Variants in SBF2 observed in about 807,000 individuals in gnomAD.
SBF2 encodes the protein SET binding factor 2.
A neutral mutation model predicts 225.2 loss-of-function variants in SBF2; 112 were observed. The ratio of observed to expected loss-of-function variants is 0.50; its 90% CI spans 0.43 to 0.58. The LOEUF (loss-of-function observed/expected upper bound fraction) is 0.58. Ranked by LOEUF, SBF2 falls within the 20% of genes least tolerant of loss-of-function variation. SBF2 has a pLI of 0.00. For missense variants in SBF2, 1,996 were observed against 2,206.2 expected (o/e 0.90, Z 1.91); for synonymous variants, 763 against 773.3 (o/e 0.99, Z 0.22).
chr11:9,824,167 A>G (rs1854931640), intron 28 of SBF2, among the ~76,000 whole-genome samples: 1 of 152,238 alleles, frequency 6.6e-6, no homozygotes, highest in African/African-American at 2.4e-5. Flanking sequence ...TTAGCAAAGA[A>G]TGGAGTCATA....
intron 2 of SBF2, among the ~76,000 whole-genome samples, chr11:10,180,970 T>G (rs1302290600): frequency 6.6e-6 from 1 of 152,110 alleles, no homozygotes; most frequent in Admixed American, 6.5e-5. Context: ...TTAGAGGTTT[T>G]TCTGGTAAAT....
chr11:10,246,071 T>C (rs11042689), intron 1 of SBF2, among the ~76,000 whole-genome samples: 41,377 of 152,084 alleles, frequency 0.27, 6,396 homozygotes, highest in Non-Finnish European at 0.35. Flanking sequence ...ATACTGCCTA[T>C]AGTTAACATT....
intron 2 of SBF2, among the ~76,000 whole-genome samples, chr11:10,069,787 G>A (rs984256635): frequency 1.3e-5 from 2 of 152,194 alleles, no homozygotes; most frequent in Non-Finnish European, 2.9e-5. Context: ...CAGTGTAAAA[G>A]CATTCCTATT....
At chr11:10,178,233 A>G (rs1956558191) in intron 2 of SBF2, among the ~76,000 whole-genome samples, 1 of 150,370 alleles carries the variant, frequency 6.7e-6, no homozygotes, top group Non-Finnish European at 1.5e-5. Flanking sequence ...CTAAAACCAT[A>G]AAAACCCTAG....
At chr11:9,917,179 C>T (rs1329495747) in intron 16 of SBF2, among the ~76,000 whole-genome samples, 2 of 151,764 alleles carry the variant, frequency 1.3e-5, no homozygotes, top group Non-Finnish European at 1.5e-5. Flanking sequence ...ATCAATGTAA[C>T]ACTTTGGTGT....
intron 2 of SBF2, among the ~76,000 whole-genome samples, chr11:10,070,213 A>G (rs919412732): frequency 6.6e-6 from 1 of 152,182 alleles, no homozygotes; most frequent in Non-Finnish European, 1.5e-5. Flanking sequence ...TTGGTGTTTT[A>G]GCCATGAAGT....
chr11:10,172,630 G>A (rs1487657835), intron 2 of SBF2, among the ~76,000 whole-genome samples: 1 of 152,182 alleles, frequency 6.6e-6, no homozygotes, highest in African/African-American at 2.4e-5. Context: ...TGGGATTACA[G>A]GTGTGAGCCA....
At chr11:10,245,616 C>A (rs1486974717) in intron 1 of SBF2, among the ~76,000 whole-genome samples, 1 of 152,078 alleles carries the variant, frequency 6.6e-6, no homozygotes, top group African/African-American at 2.4e-5. Context: ...AATAGAACAA[C>A]CATATGAGCT....
chr11:10,117,484 C>A (rs1953200474), intron 2 of SBF2, among the ~76,000 whole-genome samples: 2 of 151,172 alleles, frequency 1.3e-5, no homozygotes, highest in African/African-American at 4.9e-5. Flanking sequence ...ATCCTGTGTC[C>A]TATTTTGCTT....
Position 10,043,116 on chromosome 11 carries a change from AAAAAAAGTTAATGTAC to A in SBF2, c.142-151_142-136del, listed in dbSNP as rs1480165715. The A allele has an allele frequency of 8.8e-5, 72 of 815,856 alleles. No homozygotes were observed. The African/African-American group carries it at 1.2e-3, about 14-fold the overall frequency. The allele number at this position is 815,856 out of a possible 1,614,324, so 50.5% of individuals were successfully genotyped here. On this transcript the variant is annotated intron_variant, in intron 2 of 39. Transcript: ENST00000256190. ...GGTATGAGTCTAAAGCCAACATTTA[AAAAAAAGTTAATGTAC>A]AGATTCATAATGGTGAAAACTTTCA... is the stretch of plus-strand genomic sequence containing the variant.
chr11:9,832,771 A>G (rs1475534173), intron 26 of SBF2, among the ~76,000 whole-genome samples: 1 of 152,128 alleles, frequency 6.6e-6, no homozygotes, highest in Non-Finnish European at 1.5e-5. Flanking sequence ...CTTAGTTTCA[A>G]CTTCTGAATT....
chr11:9,881,553 C>A (rs1444744630), intron 17 of SBF2, among the ~76,000 whole-genome samples: 1 of 152,064 alleles, frequency 6.6e-6, no homozygotes, highest in African/African-American at 2.4e-5. Flanking sequence ...CTTAATCCTT[C>A]TAGAGGATTC....
intron 3 of SBF2, among the ~76,000 whole-genome samples, chr11:10,037,468 T>C (rs1329910949): frequency 6.6e-6 from 1 of 152,078 alleles, no homozygotes; most frequent in East Asian, 1.9e-4. Context: ...AATTTTTAGT[T>C]CAAAGAGTTG....
Position 9,779,136 on chromosome 11 carries a change from A to G in SBF2, c.*1282T>C, listed in dbSNP as rs1330118791. The G allele has an allele frequency of 6.6e-6, 1 of 152,630 alleles. No individual in the cohort carries two copies. The highest frequency in any genetic ancestry group is 1.9e-4 in the East Asian group (1 of 5,208). The allele number at this position is 152,630 out of a possible 1,614,324, so 9.5% of individuals were successfully genotyped here. A position where few individuals can be genotyped will look rare whatever the true frequency, so the allele number is the denominator to read the frequency against. Reference sequence around the variant, plus strand: ...AAATTCTGATTTATTTTTAATCTACAAAGTATTTTTATTTTTTAAAAGGGA... The same window carrying G: ...AAATTCTGATTTATTTTTAATCTACGAAGTATTTTTATTTTTTAAAAGGGA... On this transcript the variant is annotated 3_prime_UTR_variant, in exon 40 of 40. Coordinates refer to ENST00000256190, the MANE Select transcript of SBF2 (RefSeq NM_030962.4).
rs530259330 is a variant in SBF2, at chr11:9,863,903, A to G, written c.1930-5507T>C. On this transcript the variant is annotated intron_variant, in intron 17 of 39. Transcript: ENST00000256190. ...TTTTGTTTTTTACCTGTGTATGTCC[A>G]TAAAGAATACATAAGTTATATTGCA... Among the ~76,000 whole-genome samples the G allele has an allele frequency of 8.5e-5, 13 of 152,328 alleles. No homozygotes were observed. In the South Asian group the frequency reaches 1.2e-3, roughly 15 times the overall value.
intron 27 of SBF2, among the ~76,000 whole-genome samples, chr11:9,830,888 A>T (rs1166089478): frequency 1.3e-5 from 2 of 152,234 alleles, no homozygotes; most frequent in Non-Finnish European, 2.9e-5. Flanking sequence ...AACCAGTGGA[A>T]TAAGTTTCAA....
At chr11:10,138,214 G>A (rs191859642) in intron 2 of SBF2, among the ~76,000 whole-genome samples, 26 of 152,132 alleles carry the variant, frequency 1.7e-4, no homozygotes, top group Admixed American at 9.8e-4. Context: ...AGTTGCAGCA[G>A]GTTGTGCTTT....
chr11:9,970,197 T>C (rs1402284743), intron 13 of SBF2, among the ~76,000 whole-genome samples: 4 of 151,766 alleles, frequency 2.6e-5, no homozygotes, highest in Non-Finnish European at 5.9e-5. Context: ...CTCAATACTA[T>C]CCCATATATC....
intron 16 of SBF2, among the ~76,000 whole-genome samples, chr11:9,911,383 CA>C (rs57796243): frequency 0.31 from 32,995 of 108,076 alleles, 3,543 homozygotes; most frequent in Non-Finnish European, 0.35. Flanking sequence ...GACTCTGTCT[CA>C]AAAAAAAAAA....
Sources: gnomAD v4.1 joint callset for allele counts (sites outside exome capture counted in the v4.1 genomes callset) on GRCh38, gnomAD v4.1.1 for gene constraint, MANE v1.5 for transcripts, NCBI Gene and HGNC (gene_info 2026-07-23, HGNC 2026-07-21) for gene names.